FLT1: variants seen among roughly 807,000 people sequenced by gnomAD.
The protein encoded by FLT1 is fms related receptor tyrosine kinase 1.
A neutral mutation model predicts 156.3 loss-of-function variants in FLT1; 49 were observed. The ratio of observed to expected loss-of-function variants is 0.31; its 90% CI spans 0.25 to 0.40. FLT1 has a LOEUF of 0.40. Ranked by LOEUF, FLT1 falls within the 10% of genes least tolerant of loss-of-function variation. FLT1 has a pLI of 1.00. For synonymous variants in FLT1, 594 were observed against 583.8 expected, an observed-to-expected ratio of 1.02 and a Z score of -0.25; for missense variants, 1,322 against 1,637.2, an observed-to-expected ratio of 0.81 and a Z score of 3.32.
At chr13:28,347,715 A>G (rs1020890710) in intron 15 of FLT1, among the ~76,000 whole-genome samples, 4 of 152,236 alleles carry the variant, frequency 2.6e-5, no homozygotes, top group African/African-American at 9.6e-5. Context: ...TGAGATAACA[A>G]TAACTCATTG....
intron 10 of FLT1, among the ~76,000 whole-genome samples, chr13:28,420,397 T>C (rs186278235): frequency 7.2e-4 from 109 of 152,348 alleles, no homozygotes; most frequent in African/African-American, 2.5e-3. Context: ...TAAAATTCTC[T>C]GTAGCATGGC....
At chr13:28,353,283 T>C (rs949983105) in intron 15 of FLT1, among the ~76,000 whole-genome samples, 1 of 152,086 alleles carries the variant, frequency 6.6e-6, no homozygotes, top group Non-Finnish European at 1.5e-5. Context: ...TATAAGAGTA[T>C]CAGATTTGGC....
intron 15 of FLT1, among the ~76,000 whole-genome samples, chr13:28,357,192 C>G (rs1872927841): frequency 6.6e-6 from 1 of 151,688 alleles, no homozygotes; most frequent in South Asian, 2.1e-4. Context: ...CTCACCTACC[C>G]CCCTCCCTTT....
chr13:28,438,308 G>A lies in FLT1; in HGVS notation c.426C>T (p.Ile142=), dbSNP rs1878145444. ...GRPFVEMYSE[I]PEIIHMTEGR... Reference sequence around the variant, plus strand: ...CTTCAGTCATGTGTATAATTTCGGGGATTTCACTGTACATCTCTACGAAAG... The same window carrying A: ...CTTCAGTCATGTGTATAATTTCGGGAATTTCACTGTACATCTCTACGAAAG... Residue 142 remains isoleucine, a synonymous_variant, in exon 4 of 30, where the codon ATC becomes ATT. Transcript: ENST00000282397. 1 of 1,611,724 alleles carries A rather than the reference G, an allele frequency of 6.2e-7. No homozygotes were observed.
chr13:28,302,377 A>T lies in FLT1; in HGVS notation c.*790T>A, dbSNP rs910991817. ...GGGCTCAGAGTTGAGTGCCACCCTC[A>T]GTGCTACAAATCAAAACATGCCACG... On this transcript the variant is annotated 3_prime_UTR_variant, in exon 30 of 30. Transcript: ENST00000282397. 8.6e-6 allele frequency: 2 copies of T among 233,252 alleles called. No homozygotes were observed. Among genetic ancestry groups the T allele is most frequent in the African/African-American group, 4.4e-5 (2 of 45,368 alleles). The allele number at this position is 233,252 out of a possible 1,614,324, so 14.4% of individuals were successfully genotyped here. A position where few individuals can be genotyped will look rare whatever the true frequency, so the allele number is the denominator to read the frequency against.
At chr13:28,386,428 T>C (rs1593731730) in intron 13 of FLT1, 1 of 1,040,264 alleles carries the variant, frequency 9.6e-7, no homozygotes, top group Non-Finnish European at 1.2e-6. Context: ...AGTTTATCAT[T>C]AGTCTTCTCA....
At chr13:28,394,408 T>C (rs916017710) in intron 12 of FLT1, among the ~76,000 whole-genome samples, 1 of 152,178 alleles carries the variant, frequency 6.6e-6, no homozygotes, top group African/African-American at 2.4e-5. Context: ...GCCATGGTTA[T>C]ACATTGTACA....
At chr13:28,467,258 G>T in intron 2 of FLT1, 129 bp from the exon 3 acceptor site, 1 of 778,690 alleles carries the variant, frequency 1.3e-6, no homozygotes, top group Non-Finnish European at 2.3e-6. Flanking sequence ...CTCTTTACGG[G>T]AAAGCAACAC....
intron 10 of FLT1, among the ~76,000 whole-genome samples, chr13:28,418,636 C>T (rs906980175): frequency 1.3e-5 from 2 of 152,074 alleles, no homozygotes; most frequent in African/African-American, 4.8e-5. Flanking sequence ...AGTTCAGTGA[C>T]GACTGCAGCC....
intron 14 of FLT1, among the ~76,000 whole-genome samples, chr13:28,372,068 ATATATATATTTTTT>A (rs1565990438): frequency 3.5e-3 from 71 of 20,202 alleles, no homozygotes; most frequent in Admixed American, 6.8e-3. Flanking sequence ...ATATATATAT[ATATATATATTTTTT>A]TTTTTTTTTT....
At chr13:28,350,460 G>A (rs1453648581) in intron 15 of FLT1, among the ~76,000 whole-genome samples, 5 of 152,046 alleles carry the variant, frequency 3.3e-5, no homozygotes, top group African/African-American at 4.8e-5. Flanking sequence ...CTTGCCTGAC[G>A]TCTCTGCAGC....
chr13:28,483,027 T>G (rs947599663), intron 1 of FLT1, among the ~76,000 whole-genome samples: 1 of 152,206 alleles, frequency 6.6e-6, no homozygotes, highest in Non-Finnish European at 1.5e-5. Context: ...TCCAGGGCAC[T>G]GCAATTACTC....
chr13:28,468,493 C>T (rs1160038670), intron 1 of FLT1, among the ~76,000 whole-genome samples: 1 of 152,176 alleles, frequency 6.6e-6, no homozygotes, highest in South Asian at 2.1e-4. Flanking sequence ...ACTAGACGAC[C>T]TTGAAATCTC....
chr13:28,368,435 A>G lies in FLT1; in HGVS notation c.2117-10750T>C, dbSNP rs111553021. On this transcript the variant is annotated intron_variant, in intron 14 of 29. Coordinates refer to ENST00000282397, the MANE Select transcript of FLT1 (RefSeq NM_002019.4). ...CCAAAGTGCTGGGATTACAGGCGTG[A>G]GCCACCATGCCCGGCCATTTGTTAT... The G allele has an allele frequency of 1.1e-3, 1,579 of 1,474,492 alleles. 23 individuals are homozygous for G. The African/African-American group carries it at 0.019, about 17-fold the overall frequency. The allele number at this position is 1,474,492 out of a possible 1,614,324, so 91.3% of individuals were successfully genotyped here. A position where few individuals can be genotyped will look rare whatever the true frequency, so the allele number is the denominator to read the frequency against.
intron 3 of FLT1, among the ~76,000 whole-genome samples, chr13:28,452,752 G>C (rs111712127): frequency 2.6e-5 from 4 of 151,930 alleles, no homozygotes; most frequent in African/African-American, 9.7e-5. Flanking sequence ...TATATTTTTA[G>C]ATTAAATATT....
chr13:28,407,247 TTTAA>T (rs1412151478), intron 10 of FLT1, among the ~76,000 whole-genome samples: 1 of 152,194 alleles, frequency 6.6e-6, no homozygotes. Context: ...TTCTACTTTC[TTTAA>T]TTGTTTATTA....
At chr13:28,463,288 A>G (rs138901362) in intron 3 of FLT1, among the ~76,000 whole-genome samples, 21 of 152,310 alleles carry the variant, frequency 1.4e-4, no homozygotes, top group African/African-American at 4.6e-4. Context: ...ATTTTTCTGT[A>G]CATTACATAT....
intron 25 of FLT1, among the ~76,000 whole-genome samples, chr13:28,316,638 C>CTT (rs572382294): frequency 8.9e-5 from 12 of 134,674 alleles, no homozygotes; most frequent in East Asian, 2.1e-4. Flanking sequence ...CTAAAAGGTT[C>CTT]TTTTTTTTTT....
chr13:28,357,520 C>T (rs1002914251), intron 15 of FLT1, 34 bp downstream of exon 15: 1 of 1,611,884 alleles, frequency 6.2e-7, no homozygotes, highest in South Asian at 1.1e-5. Flanking sequence ...GATGTCTGAC[C>T]AATTTCTTGT....
Sources: allele counts gnomAD v4.1 joint callset (sites outside exome capture counted in the v4.1 genomes callset), GRCh38; gene constraint gnomAD v4.1.1; transcripts MANE v1.5; gene names NCBI Gene and HGNC (gene_info 2026-07-23, HGNC 2026-07-21).